The following CLASP1 variants were observed in gnomAD, a reference collection of about 807,000 sequenced individuals.
The protein encoded by CLASP1 is cytoplasmic linker associated protein 1.
A neutral mutation model predicts 192.3 loss-of-function variants in CLASP1; 38 were observed. The ratio of observed to expected loss-of-function variants is 0.20; its 90% confidence interval spans 0.15 to 0.26. The LOEUF (loss-of-function observed/expected upper bound fraction) is 0.26. Among genes scored for constraint, CLASP1 ranks in the 10% least tolerant of loss-of-function variants. The probability of loss-of-function intolerance (pLI) is 1.00; values close to 1 mark genes in which losing one functional copy is unlikely to be tolerated. For missense variants in CLASP1, 1,433 were observed against 1,932.5 expected (o/e 0.74, Z 4.85); for synonymous variants, 691 against 712.8 (o/e 0.97, Z 0.49).
intron 8 of CLASP1, among the ~76,000 whole-genome samples, chr2:121,480,987 G>A (rs142946206): frequency 3.3e-5 from 5 of 152,316 alleles, no homozygotes; most frequent in East Asian, 1.9e-4. Context: ...AAGGAGGACC[G>A]CAAGACCCAC....
intron 2 of CLASP1, among the ~76,000 whole-genome samples, chr2:121,545,924 ACTTT>A (rs994141823): frequency 1.3e-5 from 2 of 151,218 alleles, no homozygotes; most frequent in Middle Eastern, 3.4e-3. Flanking sequence ...AAAAAAAAAA[ACTTT>A]CTTTAATTGG....
intron 1 of CLASP1, among the ~76,000 whole-genome samples, chr2:121,613,771 T>C (rs1323311752): frequency 1.3e-5 from 2 of 152,212 alleles, no homozygotes; most frequent in African/African-American, 4.8e-5. Context: ...ACTTTTTTAG[T>C]CTACTGTAGA....
chr2:121,546,220 A>G (rs1467244639), intron 2 of CLASP1, among the ~76,000 whole-genome samples: 3 of 152,164 alleles, frequency 2.0e-5, no homozygotes, highest in Admixed American at 2.0e-4. Flanking sequence ...TACATTGGAA[A>G]TAACTTGGCA....
intron 1 of CLASP1, among the ~76,000 whole-genome samples, chr2:121,642,304 A>T (rs563706943): frequency 7.4e-5 from 11 of 149,202 alleles, no homozygotes; most frequent in Non-Finnish European, 1.5e-4. Context: ...GGCTAATCCC[A>T]GCTACTCAGG....
intron 1 of CLASP1, among the ~76,000 whole-genome samples, chr2:121,613,711 C>T (rs2065993476): frequency 6.6e-6 from 1 of 151,866 alleles, no homozygotes; most frequent in Non-Finnish European, 1.5e-5. Context: ...CAGTAAAGAA[C>T]TATTAACAAT....
intron 7 of CLASP1, among the ~76,000 whole-genome samples, chr2:121,504,652 T>G (rs1468938909): frequency 1.3e-5 from 2 of 152,186 alleles, no homozygotes; most frequent in Admixed American, 6.5e-5. Context: ...ACCGAGCTAG[T>G]GAGTTCTTAC....
At chr2:121,364,568 T>G (rs1335370197) in intron 36 of CLASP1, 7 of 161,004 alleles carry the variant, frequency 4.3e-5, no homozygotes, top group African/African-American at 1.7e-4. Flanking sequence ...AAGCTTTTTT[T>G]ATTTTTAAAT....
intron 8 of CLASP1, among the ~76,000 whole-genome samples, chr2:121,486,459 T>C (rs2092979539): frequency 6.6e-6 from 1 of 152,210 alleles, no homozygotes; most frequent in Admixed American, 6.5e-5. Flanking sequence ...TTTCATTGAT[T>C]AAATGTTCAT....
At chr2:121,584,668 C>G (rs2061536607) in intron 2 of CLASP1, among the ~76,000 whole-genome samples, 1 of 152,040 alleles carries the variant, frequency 6.6e-6, no homozygotes, top group South Asian at 2.1e-4. Context: ...CTCTGTCACC[C>G]AGGTGGGAGT....
chr2:121,575,254 C>T (rs941286424), intron 2 of CLASP1, among the ~76,000 whole-genome samples: 4 of 151,814 alleles, frequency 2.6e-5, no homozygotes, highest in African/African-American at 7.3e-5. Context: ...TAGGATTAGA[C>T]GTGCACCACC....
At chr2:121,642,632 T>G (rs2072347462) in intron 1 of CLASP1, among the ~76,000 whole-genome samples, 1 of 152,070 alleles carries the variant, frequency 6.6e-6, no homozygotes, top group Non-Finnish European at 1.5e-5. Flanking sequence ...CATGGGAGGC[T>G]GAGGCAGAAG....
chr2:121,346,992 G>T, intron 39 of CLASP1, 46 bp downstream of exon 40: 1 of 1,209,210 alleles, frequency 8.3e-7, no homozygotes. Flanking sequence ...ATGACAAGCT[G>T]GCAGAGCCCA....
intron 1 of CLASP1, among the ~76,000 whole-genome samples, chr2:121,610,884 G>T (rs185595695): frequency 5.5e-5 from 8 of 145,772 alleles, no homozygotes; most frequent in African/African-American, 1.5e-4. Flanking sequence ...GAGAGCTGGC[G>T]GAGGAAGAGG....
chr2:121,455,969 A>C (rs867624384), intron 14 of CLASP1, among the ~76,000 whole-genome samples: 4 of 152,274 alleles, frequency 2.6e-5, no homozygotes, highest in Middle Eastern at 3.4e-3. Flanking sequence ...TGTCAGGTAG[A>C]TAGGAGTAAG....
At chr2:121,394,900 C>T (rs1474640180) in intron 30 of CLASP1, among the ~76,000 whole-genome samples, 1 of 152,178 alleles carries the variant, frequency 6.6e-6, no homozygotes, top group East Asian at 1.9e-4. Context: ...ACCAAAAAAA[C>T]AAATTTTTTT....
chr2:121,533,632 A>G (rs537571291), intron 2 of CLASP1, among the ~76,000 whole-genome samples: 7 of 152,320 alleles, frequency 4.6e-5, no homozygotes, highest in African/African-American at 7.2e-5. Flanking sequence ...ACCTGATTCT[A>G]AAGTCACGAA....
chr2:121,594,620 T>C (rs1418255400), intron 2 of CLASP1, among the ~76,000 whole-genome samples: 1 of 152,110 alleles, frequency 6.6e-6, no homozygotes, highest in Non-Finnish European at 1.5e-5. Context: ...CTCCATCTCC[T>C]GACCTCGTGA....
chr2:121,550,118 T>C (rs1474209844), intron 2 of CLASP1, among the ~76,000 whole-genome samples: 1 of 151,184 alleles, frequency 6.6e-6, no homozygotes, highest in Non-Finnish European at 1.5e-5. Context: ...TACAATTACA[T>C]GTAAATTATA....
intron 30 of CLASP1, among the ~76,000 whole-genome samples, chr2:121,392,300 T>C (rs2074499847): frequency 6.6e-6 from 1 of 152,230 alleles, no homozygotes; most frequent in Admixed American, 6.5e-5. Context: ...ATCACCTGGC[T>C]TCCTAAATCT....
Sources: allele counts gnomAD v4.1 joint callset (sites outside exome capture counted in the v4.1 genomes callset), GRCh38; gene constraint gnomAD v4.1.1; transcripts MANE v1.5; gene names NCBI Gene and HGNC (gene_info 2026-07-23, HGNC 2026-07-21).